CNTNAP5: variants seen among roughly 807,000 people sequenced by gnomAD.
The protein encoded by CNTNAP5 is contactin-associated protein-like 5.
A neutral mutation model predicts 150.2 loss-of-function variants in CNTNAP5; 72 were observed. The ratio of observed to expected loss-of-function variants is 0.48; its 90% confidence interval spans 0.40 to 0.58. The LOEUF (loss-of-function observed/expected upper bound fraction) is 0.58. Ranked by LOEUF, CNTNAP5 falls within the 20% of genes least tolerant of loss-of-function variation. The probability of loss-of-function intolerance (pLI) is 0.00; values close to 1 mark genes in which losing one functional copy is unlikely to be tolerated. For missense variants in CNTNAP5, 1,636 were observed against 1,626.2 expected (o/e 1.01, Z -0.10); for synonymous variants, 672 against 619.8 (o/e 1.08, Z -1.25).
intron 19 of CNTNAP5, among the ~76,000 whole-genome samples, chr2:124,857,344 G>A (rs1677397437): frequency 6.6e-6 from 1 of 152,090 alleles, no homozygotes; most frequent in Non-Finnish European, 1.5e-5. Context: ...CTAAACACAG[G>A]CAATAGTCAG....
chr2:124,521,231 G>A (rs938729574), intron 8 of CNTNAP5, among the ~76,000 whole-genome samples: 1 of 152,076 alleles, frequency 6.6e-6, no homozygotes, highest in African/African-American at 2.4e-5. Context: ...CCCAGGTTCT[G>A]TATTTTCAAA....
chr2:124,476,714 C>G (rs1291353123), intron 7 of CNTNAP5, among the ~76,000 whole-genome samples: 4 of 152,078 alleles, frequency 2.6e-5, no homozygotes, highest in African/African-American at 9.7e-5. Context: ...CATATACCAC[C>G]CTGGCCAGAA....
intron 1 of CNTNAP5, among the ~76,000 whole-genome samples, chr2:124,178,472 C>G (rs1398047680): frequency 6.6e-6 from 1 of 152,208 alleles, no homozygotes; most frequent in Non-Finnish European, 1.5e-5. Context: ...TCTAACCAAC[C>G]TGATCAAAAT....
intron 9 of CNTNAP5, 127 bp downstream of exon 9, chr2:124,524,579 CATGCACAT>C: frequency 1.2e-6 from 1 of 810,508 alleles, no homozygotes; most frequent in Non-Finnish European, 1.9e-6. Context: ...CACACACACA[CATGCACAT>C]ACACACACAC....
chr2:124,433,284 GA>G (rs1388399695), intron 4 of CNTNAP5, among the ~76,000 whole-genome samples: 2 of 152,114 alleles, frequency 1.3e-5, no homozygotes, highest in African/African-American at 4.8e-5. Context: ...TTTGTATATG[GA>G]CAGTTTATTT....
At position 124,579,588 on chromosome 2, in the gene CNTNAP5, C is replaced by T. The variant is rs560673220; in HGVS notation, c.1756+16265C>T. Among the ~76,000 whole-genome samples, 19 of 152,254 alleles carry T rather than the reference C, an allele frequency of 1.2e-4. 1 individual carries two copies. The highest frequency in any genetic ancestry group is 4.6e-4 in the Admixed American group (7 of 15,296). On this transcript the variant is annotated intron_variant, in intron 11 of 23. Coordinates refer to ENST00000682447, the MANE Select transcript of CNTNAP5 (RefSeq NM_001367498.1). ...CCTCCAAACTCTTGGTATTATCCCC[C>T]GATAGTCATAATAGTAGTCTCCCTG...
At chr2:124,448,890 T>C (rs1044571727) in intron 6 of CNTNAP5, among the ~76,000 whole-genome samples, 1 of 152,174 alleles carries the variant, frequency 6.6e-6, no homozygotes, top group African/African-American at 2.4e-5. Context: ...TTAATATCAT[T>C]AAAAGAATCT....
intron 3 of CNTNAP5, among the ~76,000 whole-genome samples, chr2:124,324,890 T>C (rs1689179643): frequency 6.6e-6 from 1 of 152,180 alleles, no homozygotes; most frequent in African/African-American, 2.4e-5. Flanking sequence ...GCAATCTTGA[T>C]TGAAGTATTA....
At chr2:124,679,828 G>A (rs1679025174) in intron 13 of CNTNAP5, among the ~76,000 whole-genome samples, 1 of 151,814 alleles carries the variant, frequency 6.6e-6, no homozygotes, top group Admixed American at 6.7e-5. Context: ...GCCTCCCTAA[G>A]TGCTGGGATT....
intron 12 of CNTNAP5, among the ~76,000 whole-genome samples, chr2:124,629,773 GTTTT>G: frequency 7.6e-6 from 1 of 130,936 alleles, no homozygotes; most frequent in African/African-American, 2.8e-5. Context: ...TCCAGGAGCT[GTTTT>G]TTTTTTTTTT....
chr2:124,271,119 GA>G (rs894625761), intron 3 of CNTNAP5, among the ~76,000 whole-genome samples: 1 of 152,108 alleles, frequency 6.6e-6, no homozygotes, highest in East Asian at 1.9e-4. Context: ...GTTTCGATGT[GA>G]AAAAGGTTGG....
chr2:124,655,631 C>T (rs990878861), intron 13 of CNTNAP5, among the ~76,000 whole-genome samples: 3 of 151,776 alleles, frequency 2.0e-5, no homozygotes, highest in African/African-American at 4.8e-5. Context: ...GGTGCCATGG[C>T]TTACACCTTT....
At chr2:124,563,044 A>G (rs1370098519) in intron 10 of CNTNAP5, among the ~76,000 whole-genome samples, 173 bp from the exon 11 acceptor site, 1 of 152,198 alleles carries the variant, frequency 6.6e-6, no homozygotes, top group Non-Finnish European at 1.5e-5. Flanking sequence ...CTTTTGTGCT[A>G]AAACTGTAAT....
intron 17 of CNTNAP5, among the ~76,000 whole-genome samples, chr2:124,776,284 A>AT (rs111559399): frequency 0.12 from 18,226 of 149,064 alleles, 2,335 homozygotes; most frequent in African/African-American, 0.33. Flanking sequence ...CCATGGGCCT[A>AT]TTTTTTTTTT....
At position 124,916,804 on chromosome 2, in the gene CNTNAP5, G is replaced by A. The variant is rs138792162; in HGVS notation, c.*2516G>A. ...CCACAGACCTAAATGTAGATGCCAG[G>A]ACAGTGCCGTCTACACGTCACTCCT... On this transcript the variant is annotated 3_prime_UTR_variant, in exon 24 of 24. Coordinates refer to ENST00000682447, the MANE Select transcript of CNTNAP5 (RefSeq NM_001367498.1). Among the ~76,000 whole-genome samples, 277 of 152,010 alleles carry A rather than the reference G, an allele frequency of 1.8e-3. 2 individuals are homozygous for A. Among genetic ancestry groups the A allele is most frequent in the African/African-American group, 6.4e-3 (265 of 41,502 alleles).
intron 7 of CNTNAP5, among the ~76,000 whole-genome samples, chr2:124,493,336 A>T (rs1332402749): frequency 6.6e-6 from 1 of 150,824 alleles, no homozygotes; most frequent in Non-Finnish European, 1.5e-5. Context: ...TTTAATTATT[A>T]TTATCATTAT....
At chr2:124,840,425 C>G (rs1218762903) in intron 19 of CNTNAP5, among the ~76,000 whole-genome samples, 1 of 152,082 alleles carries the variant, frequency 6.6e-6, no homozygotes, top group East Asian at 1.9e-4. Flanking sequence ...TTCTCTGGGT[C>G]ATGACATTTG....
At chr2:124,331,626 A>G (rs2104680878) in intron 3 of CNTNAP5, among the ~76,000 whole-genome samples, 1 of 152,050 alleles carries the variant, frequency 6.6e-6, no homozygotes. Flanking sequence ...TAAAAATAGG[A>G]TCACAGATTA....
At chr2:124,533,223 G>A (rs978709799) in intron 10 of CNTNAP5, among the ~76,000 whole-genome samples, 1 of 152,138 alleles carries the variant, frequency 6.6e-6, no homozygotes, top group South Asian at 2.1e-4. Flanking sequence ...AAAATTTAAG[G>A]AGACCCCTAC....
Sources: gnomAD v4.1 joint callset for allele counts (sites outside exome capture counted in the v4.1 genomes callset) on GRCh38, gnomAD v4.1.1 for gene constraint, MANE v1.5 for transcripts, NCBI Gene and HGNC (gene_info 2026-07-23, HGNC 2026-07-21) for gene names.